The following TBX20 variants were observed in gnomAD, a reference collection of about 807,000 sequenced individuals.
TBX20 encodes the protein T-box transcription factor 20, also known as T-box transcription factor TBX20.
TBX20 carries 8 observed loss-of-function variants against 42.9 expected under a neutral mutation model. The ratio of observed to expected loss-of-function variants is 0.19; its 90% CI spans 0.11 to 0.34. The LOEUF (loss-of-function observed/expected upper bound fraction) is 0.34, where lower values mean the gene tolerates loss of function less well. Among genes scored for constraint, TBX20 ranks in the 10% least tolerant of loss-of-function variants. The pLI is 1.00. For synonymous variants in TBX20, 198 were observed against 222.8 expected (o/e 0.89, Z 0.99); for missense variants, 411 against 566.0 (o/e 0.73, Z 2.78).
chr7:35,204,270 C>T (rs564511402), intron 7 of TBX20, among the ~76,000 whole-genome samples, 200 bp downstream of exon 7: 33 of 152,226 alleles, frequency 2.2e-4, no homozygotes, highest in African/African-American at 7.9e-4. Flanking sequence ...CTGCAGGCAG[C>T]ATCATCGCCT....
At chr7:35,252,973 T>C (rs1055496969) in intron 1 of TBX20, among the ~76,000 whole-genome samples, 4 of 152,242 alleles carry the variant, frequency 2.6e-5, no homozygotes, top group Non-Finnish European at 5.9e-5. Flanking sequence ...TGGTGATAAG[T>C]CTAGAGCTTC....
chr7:35,253,632 C>T lies in TBX20; in HGVS notation c.-12G>A, dbSNP rs1790349081. 1.2e-6 allele frequency: 2 copies of T among 1,610,892 alleles called. No homozygotes were observed. Among genetic ancestry groups the T allele is most frequent in the Non-Finnish European group, 8.5e-7 (1 of 1,179,644 alleles). On this transcript the variant is annotated 5_prime_UTR_variant, in exon 1 of 8. It adds an upstream start codon to the 5' untranslated region. Coordinates refer to ENST00000408931, the MANE Select transcript of TBX20 (RefSeq NM_001077653.2). ...GCCGTGAACTCCATGGTCCCCAGCACGCGGTCCTGGCCAGGGACGGGGTCG... is the reference window on the plus strand; with the variant it reads ...GCCGTGAACTCCATGGTCCCCAGCATGCGGTCCTGGCCAGGGACGGGGTCG...
Position 35,214,920 on chromosome 7 carries a change from G to T in TBX20, c.891-10338C>A, listed in dbSNP as rs1461460827. Among the ~76,000 whole-genome samples the T allele has an allele frequency of 1.2e-4, 19 of 152,248 alleles. 1 individual carries two copies. In the Middle Eastern group the frequency reaches 0.014, roughly 109 times the overall value. On this transcript the variant is annotated intron_variant, in intron 6 of 7. Transcript: ENST00000408931. ...TGTCCATGGGCCCAAATTCTGGATG[G>T]TGTTTTTCTAAGGTGTATTCCTCTT... is the stretch of plus-strand genomic sequence containing the variant.
At chr7:35,231,981 T>C (rs1477036063) in intron 5 of TBX20, among the ~76,000 whole-genome samples, 4 of 152,216 alleles carry the variant, frequency 2.6e-5, no homozygotes, top group Admixed American at 2.6e-4. Flanking sequence ...AGAATGAAAG[T>C]AAGAATGCAT....
At chr7:35,207,661 A>G (rs1354549919) in intron 6 of TBX20, among the ~76,000 whole-genome samples, 2 of 152,190 alleles carry the variant, frequency 1.3e-5, no homozygotes, top group East Asian at 1.9e-4. Context: ...AATTTTATAT[A>G]TGAATGAGTT....
intron 6 of TBX20, among the ~76,000 whole-genome samples, chr7:35,222,904 T>C (rs1426207993): frequency 6.6e-6 from 1 of 152,194 alleles, no homozygotes; most frequent in Non-Finnish European, 1.5e-5. Context: ...TCAAACTTCC[T>C]TTCTTTGGAA....
chr7:35,250,058 G>A lies in TBX20; in HGVS notation c.273C>T (p.Ile91=), dbSNP rs779461607. 1.7e-5 allele frequency: 28 copies of A among 1,613,966 alleles called. No homozygotes were observed. The highest frequency in any genetic ancestry group is 3.3e-5 in the Admixed American group (2 of 60,006). ...CTEPLIPTTP[I]IPSEEMAKIA... Reference sequence around the variant, plus strand: ...TTTTGGCCATTTCCTCACTGGGGATGATGGGGGTGGTGGGGATCAGTGGCT... The same window carrying A: ...TTTTGGCCATTTCCTCACTGGGGATAATGGGGGTGGTGGGGATCAGTGGCT... Residue 91 remains isoleucine, a synonymous_variant, in exon 2 of 8, where the codon ATC becomes ATT. Coordinates refer to ENST00000408931, the MANE Select transcript of TBX20 (RefSeq NM_001077653.2).
chr7:35,204,442 A>C lies in TBX20; in HGVS notation c.1003+28T>G, dbSNP rs1789363700. 5.9e-6 allele frequency: 9 copies of C among 1,514,130 alleles called. No individual in the cohort carries two copies. In the East Asian group the frequency reaches 2.0e-4, roughly 34 times the overall value. The allele number at this position is 1,514,130 out of a possible 1,614,324, so 93.8% of individuals were successfully genotyped here. A position where few individuals can be genotyped will look rare whatever the true frequency, so the allele number is the denominator to read the frequency against. ...TCCTTTAGGTGCTCTGCCTCCCAGC[A>C]ATTCCATGGCCTTGGAAACTACCTT... On this transcript the variant is annotated intron_variant, in intron 7 of 7. Coordinates refer to ENST00000408931, the MANE Select transcript of TBX20 (RefSeq NM_001077653.2).
chr7:35,247,754 G>A (rs987403593), intron 3 of TBX20, among the ~76,000 whole-genome samples: 1 of 151,972 alleles, frequency 6.6e-6, no homozygotes, highest in African/African-American at 2.4e-5. Flanking sequence ...ACAAAAATTA[G>A]TCATTAAACA....
rs1790357402 is a variant in TBX20 at position 35,253,861 on chromosome 7, A to G, written c.-241T>C. 17 of 534,932 alleles carry G rather than the reference A, an allele frequency of 3.2e-5. 1 individual carries two copies. The South Asian group carries it at 3.6e-4, about 11-fold the overall frequency. 33.1% of individuals were successfully genotyped at this position (534,932 alleles called of 1,614,324 possible). A position where few individuals can be genotyped will look rare whatever the true frequency, so the allele number is the denominator to read the frequency against. On this transcript the variant is annotated 5_prime_UTR_variant, in exon 1 of 8. Transcript: ENST00000408931. ...CAGCCGGAGAGGAGAGGGCCCACCG[A>G]GCACTACGGCGGGTGCGCACGCCCC...
intron 6 of TBX20, among the ~76,000 whole-genome samples, chr7:35,228,230 C>T (rs4466303): frequency 0.53 from 79,840 of 151,834 alleles, 21,203 homozygotes; most frequent in Admixed American, 0.61. Flanking sequence ...GAAACCTAAA[C>T]AACTAATGCA....
chr7:35,252,361 G>T (rs1790320982), intron 1 of TBX20, among the ~76,000 whole-genome samples: 1 of 150,420 alleles, frequency 6.6e-6, no homozygotes, highest in Non-Finnish European at 1.5e-5. Flanking sequence ...GGGGAAGGGG[G>T]TGAAAACTTA....
In TBX20 at chr7:35,249,768, C is replaced by T. The variant is rs575379673; in HGVS notation, c.380+183G>A. 1.3e-5 allele frequency among the ~76,000 whole-genome samples: 2 copies of T among 152,298 alleles called. No homozygotes were observed. Among genetic ancestry groups the T allele is most frequent in the Admixed American group, 1.3e-4 (2 of 15,302 alleles). On this transcript the variant is annotated intron_variant, in intron 2 of 7. Coordinates refer to ENST00000408931, the MANE Select transcript of TBX20 (RefSeq NM_001077653.2). The surrounding 1 kb of genome is among the most constrained non-coding windows in gnomAD (Gnocchi z 4.3). ...GCTTCCCATGACCAAATCCTGAGAACGCAAATGACTAGACATCCTGTAGCT... is the reference window on the plus strand; with the variant it reads ...GCTTCCCATGACCAAATCCTGAGAATGCAAATGACTAGACATCCTGTAGCT...
chr7:35,229,567 T>G (rs1789833330), intron 6 of TBX20, among the ~76,000 whole-genome samples: 1 of 152,184 alleles, frequency 6.6e-6, no homozygotes, highest in South Asian at 2.1e-4. Flanking sequence ...TACATGTGAG[T>G]GCTCCCACAT....
chr7:35,204,318 A>G (rs1789357511), intron 7 of TBX20, 152 bp downstream of exon 7: 1 of 698,472 alleles, frequency 1.4e-6, no homozygotes, highest in South Asian at 1.5e-5. Context: ...TGTGAGGATC[A>G]GTGTCGGGGC....
At chr7:35,233,269 T>A (rs1021021715) in intron 5 of TBX20, among the ~76,000 whole-genome samples, 5 of 152,198 alleles carry the variant, frequency 3.3e-5, no homozygotes, top group Admixed American at 3.3e-4. Flanking sequence ...GACTCCTCTA[T>A]CAATAACACT....
At chr7:35,250,339 G>T in intron 1 of TBX20, 136 bp from the exon 2 acceptor site, 3 of 1,058,096 alleles carry the variant, frequency 2.8e-6, no homozygotes, top group Non-Finnish European at 4.3e-6. Flanking sequence ...CAGGCTGTAG[G>T]GATGACCCAT....
chr7:35,234,150 T>C (rs1025930133), intron 5 of TBX20, among the ~76,000 whole-genome samples: 8 of 152,226 alleles, frequency 5.3e-5, no homozygotes, highest in Non-Finnish European at 8.8e-5. Context: ...AAAGAACTTT[T>C]TACAGCCATC....
At chr7:35,206,366 G>A (rs1789400443) in intron 6 of TBX20, among the ~76,000 whole-genome samples, 1 of 152,188 alleles carries the variant, frequency 6.6e-6, no homozygotes, top group Admixed American at 6.5e-5. Context: ...TGGCCAACAT[G>A]GCAAAACCCT....
Sources: allele counts gnomAD v4.1 joint callset (sites outside exome capture counted in the v4.1 genomes callset), GRCh38; gene constraint gnomAD v4.1.1; non-coding constraint Gnocchi (gnomAD v3.1); transcripts MANE v1.5; gene names NCBI Gene and HGNC (gene_info 2026-07-23, HGNC 2026-07-21).